TCERG1L: variants seen among roughly 807,000 people sequenced by gnomAD.
The protein encoded by TCERG1L is transcription elongation regulator 1-like protein.
TCERG1L carries 37 observed loss-of-function variants against 56.3 expected under a neutral mutation model. The observed-to-expected ratio is 0.66, with a 90% CI of 0.51 to 0.87. TCERG1L has a LOEUF of 0.87. Among genes scored for constraint, TCERG1L ranks in the 40% least tolerant of loss-of-function variants. TCERG1L has a pLI of 0.00. For missense variants in TCERG1L, 799 were observed against 774.2 expected (o/e 1.03, Z -0.38); for synonymous variants, 324 against 326.3 (o/e 0.99, Z 0.08).
At chr10:131,179,062 G>A (rs956525091) in intron 4 of TCERG1L, among the ~76,000 whole-genome samples, 3 of 152,298 alleles carry the variant, frequency 2.0e-5, no homozygotes, top group Non-Finnish European at 2.9e-5. Context: ...GGCTGAGCCC[G>A]CGTCGGCACC....
chr10:131,303,736 G>A (rs544639103), intron 3 of TCERG1L, among the ~76,000 whole-genome samples: 5 of 152,026 alleles, frequency 3.3e-5, no homozygotes, highest in South Asian at 2.1e-4. Context: ...TGCATAATTC[G>A]TTCTTCTCTT....
chr10:131,290,430 G>C (rs530357039), intron 3 of TCERG1L, among the ~76,000 whole-genome samples: 2 of 152,058 alleles, frequency 1.3e-5, no homozygotes, highest in African/African-American at 2.4e-5. Context: ...CTGGGAATTC[G>C]AGACCAGCCT....
intron 3 of TCERG1L, among the ~76,000 whole-genome samples, chr10:131,299,739 A>G (rs1846740325): frequency 6.6e-6 from 1 of 152,152 alleles, no homozygotes; most frequent in Non-Finnish European, 1.5e-5. Flanking sequence ...GGTATAAAGT[A>G]TGTCTTTAAC....
intron 4 of TCERG1L, among the ~76,000 whole-genome samples, chr10:131,181,856 A>G (rs1331068330): frequency 1.3e-5 from 2 of 152,246 alleles, no homozygotes; most frequent in African/African-American, 4.8e-5. Context: ...TTTAAGGGAA[A>G]CCTTTGCAAA....
chr10:131,188,946 A>C (rs1364230677), intron 4 of TCERG1L, among the ~76,000 whole-genome samples: 1 of 152,158 alleles, frequency 6.6e-6, no homozygotes, highest in Non-Finnish European at 1.5e-5. Context: ...CTTTTTCTGT[A>C]CACAAATGAA....
chr10:131,116,993 T>G (rs1211028432), intron 8 of TCERG1L, 59 bp from the exon 9 acceptor site: 1 of 1,549,160 alleles, frequency 6.5e-7, no homozygotes, highest in Non-Finnish European at 8.7e-7. Context: ...TGGTTTTTAT[T>G]GCAACCTTTA....
chr10:131,150,893 G>A (rs1274056849), intron 6 of TCERG1L, among the ~76,000 whole-genome samples: 1 of 152,176 alleles, frequency 6.6e-6, no homozygotes, highest in Non-Finnish European at 1.5e-5. Context: ...TACAATCATG[G>A]CAGAAGGCAC....
intron 4 of TCERG1L, among the ~76,000 whole-genome samples, chr10:131,242,665 C>T (rs925330532): frequency 1.5e-4 from 23 of 152,182 alleles, no homozygotes; most frequent in Non-Finnish European, 3.4e-4. Context: ...AATACATACT[C>T]GTTGACCATC....
intron 3 of TCERG1L, among the ~76,000 whole-genome samples, chr10:131,291,883 T>C (rs1846632240): frequency 6.6e-6 from 1 of 152,232 alleles, no homozygotes; most frequent in South Asian, 2.1e-4. Flanking sequence ...TAGTTGTTCA[T>C]AGGTATTTTG....
chr10:131,165,141 C>T (rs959335778), intron 5 of TCERG1L, among the ~76,000 whole-genome samples: 1 of 152,198 alleles, frequency 6.6e-6, no homozygotes, highest in Non-Finnish European at 1.5e-5. Flanking sequence ...GGCTATTTGG[C>T]AGAACCATGG....
At chr10:131,285,132 A>C (rs58241215) in intron 3 of TCERG1L, among the ~76,000 whole-genome samples, 11,238 of 152,088 alleles carry the variant, frequency 0.074, 525 homozygotes, top group African/African-American at 0.11. Context: ...AATCCCAGGA[A>C]TGTGGGAGGC....
chr10:131,140,658 A>G (rs1010855186), intron 7 of TCERG1L, among the ~76,000 whole-genome samples: 1 of 152,216 alleles, frequency 6.6e-6, no homozygotes, highest in African/African-American at 2.4e-5. Flanking sequence ...TGCACGGGCC[A>G]AGACCCCAGA....
chr10:131,289,326 T>C (rs1846581698), intron 3 of TCERG1L, among the ~76,000 whole-genome samples: 1 of 94,854 alleles, frequency 1.1e-5, no homozygotes, highest in Non-Finnish European at 2.4e-5. Context: ...ACTTATGGCA[T>C]GTTTCTGATT....
At chr10:131,175,465 G>C (rs1392077680) in intron 4 of TCERG1L, among the ~76,000 whole-genome samples, 1 of 152,190 alleles carries the variant, frequency 6.6e-6, no homozygotes, top group Non-Finnish European at 1.5e-5. Flanking sequence ...GCAGGGGCAG[G>C]CTTGTCCCAC....
rs549699898 is a variant in TCERG1L at position 131,121,852 on chromosome 10, G to GA, written c.1260-4919dup. ...TGAGGCCCAGGTGTGGGCACAGTGAGAGAGATGCCCCCTCAGCCCTGGCCT... is the reference window on the plus strand; with the variant it reads ...TGAGGCCCAGGTGTGGGCACAGTGAGAAGAGATGCCCCCTCAGCCCTGGCCT... On this transcript the variant is annotated intron_variant, in intron 8 of 11. Transcript: ENST00000368642. 6.6e-5 allele frequency among the ~76,000 whole-genome samples: 10 copies of GA among 150,500 alleles called. No individual in the cohort carries two copies. The East Asian group carries it at 1.2e-3, about 18-fold the overall frequency.
At chr10:131,205,341 C>T (rs2918128) in intron 4 of TCERG1L, among the ~76,000 whole-genome samples, 118,254 of 150,140 alleles carry the variant, frequency 0.79, 46,526 homozygotes, top group South Asian at 0.84. Flanking sequence ...GAAACCTAAA[C>T]AGGTTTTCAA....
rs1845327106 is a variant in TCERG1L, at chr10:131,103,990, T to G, written c.1485+275A>C. 6.6e-6 allele frequency among the ~76,000 whole-genome samples: 1 copy of G among 152,234 alleles called. No homozygotes were observed. The highest frequency in any genetic ancestry group is 1.5e-5 in the Non-Finnish European group (1 of 68,046). The stretch of plus-strand genomic sequence containing the variant: ...CATATTTTTAACATACGATTTATAG[T>G]CATTTGGAATGAGGGTCAATGTTCC... On this transcript the variant is annotated intron_variant, in intron 10 of 11. Coordinates refer to ENST00000368642, the MANE Select transcript of TCERG1L (RefSeq NM_174937.4). The surrounding 1 kb of genome is among the most constrained non-coding windows in gnomAD (Gnocchi z 4.3).
At chr10:131,175,347 G>T (rs1287867606) in intron 4 of TCERG1L, among the ~76,000 whole-genome samples, 1 of 152,242 alleles carries the variant, frequency 6.6e-6, no homozygotes, top group Admixed American at 6.5e-5. Context: ...CGCTTGCACG[G>T]AGGCATGCCT....
rs1845418769 is a variant in TCERG1L at position 131,112,182 on chromosome 10, C to CCCAGG, written c.1395+4612_1395+4616dup. The stretch of plus-strand genomic sequence containing the variant: ...TTCAAAAATCTCCCTGGGGCCTGAG[C>CCCAGG]CCAGGGTCTCTGCTTCCAGGGCCGG... On this transcript the variant is annotated intron_variant, in intron 9 of 11. Transcript: ENST00000368642. Among the ~76,000 whole-genome samples, 3 of 142,942 alleles carry CCCAGG rather than the reference C, an allele frequency of 2.1e-5. 1 individual carries two copies. Among genetic ancestry groups the CCCAGG allele is most frequent in the Non-Finnish European group, 4.7e-5 (3 of 63,376 alleles). The allele number at this position is 142,942 out of a possible 152,430, so 93.8% of individuals were successfully genotyped here.
Sources: gnomAD v4.1 joint callset for allele counts (sites outside exome capture counted in the v4.1 genomes callset) on GRCh38, gnomAD v4.1.1 for gene constraint, Gnocchi (gnomAD v3.1) non-coding constraint, MANE v1.5 for transcripts, NCBI Gene and HGNC (gene_info 2026-07-23, HGNC 2026-07-21) for gene names.